The following AMMECR1 variants were observed in gnomAD, a reference collection of about 807,000 sequenced individuals.
AMMECR1 encodes the protein nuclear protein AMMECR1.
Under a neutral mutation model 22.5 loss-of-function variants are expected in AMMECR1, and 3 were observed. That is an observed-to-expected ratio of 0.13 (90% CI 0.06 to 0.35). The LOEUF is 0.35. Among genes scored for constraint, AMMECR1 ranks in the 10% least tolerant of loss-of-function variants. AMMECR1 has a pLI of 1.00. For synonymous variants in AMMECR1, 130 were observed against 116.7 expected, an observed-to-expected ratio of 1.11 and a Z score of -0.74; for missense variants, 235 against 278.7, an observed-to-expected ratio of 0.84 and a Z score of 1.12.
Position 110,222,665 on chromosome X carries a change from GAGAA to G in AMMECR1, c.585-6037_585-6034del, listed in dbSNP as rs1435809202. ...AAAAGGAAAAAGGAATATGTAAAAA[GAGAA>G]AGGAAGAGAAAAGCAAGAAGCTGAA... On this transcript the variant is annotated intron_variant, in intron 2 of 5. Transcript: ENST00000262844. 1.8e-3 allele frequency among the ~76,000 whole-genome samples: 188 copies of G among 105,607 alleles called. 2 individuals are homozygous for G. The highest frequency in any genetic ancestry group is 6.3e-3 in the African/African-American group (184 of 29,070). The allele number at this position is 105,607 out of a possible 115,157, so 91.7% of individuals were successfully genotyped here. A position where few individuals can be genotyped will look rare whatever the true frequency, so the allele number is the denominator to read the frequency against.
At chrX:110,407,094 T>C (rs781045536) in intron 2 of AMMECR1, among the ~76,000 whole-genome samples, 16 of 112,150 alleles carry the variant, frequency 1.4e-4, no homozygotes, top group Non-Finnish European at 2.6e-4. Flanking sequence ...TGCCGCCAAC[T>C]TCACCAGTCA....
intron 2 of AMMECR1, among the ~76,000 whole-genome samples, chrX:110,374,193 C>T (rs1226665063): frequency 9.0e-6 from 1 of 111,496 alleles, no homozygotes; most frequent in African/African-American, 3.3e-5. Flanking sequence ...AAATTGATAC[C>T]CTGTAGATGC....
chrX:110,318,053 C>G lies in AMMECR1; in HGVS notation c.19G>C (p.Gly7Arg), dbSNP rs2068061397. The change falls in exon 1 of 6, where the codon GGG becomes CGG. Residue 7 changes from glycine (G) to arginine (R), a missense_variant. Coordinates refer to ENST00000262844, the MANE Select transcript of AMMECR1 (RefSeq NM_015365.3). Reference sequence around the variant, plus strand: ...CTGGACAGTTTCTGCTTCTTCACCCCGCAGCAACCCGCCGCCATCTTGGAA... The same window carrying G: ...CTGGACAGTTTCTGCTTCTTCACCCGGCAGCAACCCGCCGCCATCTTGGAA... MAAGCC[G>R]VKKQKLSSSP... is the part of the protein sequence containing the mutation. 1.1e-5 allele frequency: 13 copies of G among 1,199,251 alleles called. No individual in the cohort carries two copies. The highest frequency in any genetic ancestry group is 1.5e-5 in the Non-Finnish European group (13 of 890,791).
intron 2 of AMMECR1, among the ~76,000 whole-genome samples, chrX:110,375,505 G>A (rs1042279523): frequency 9.0e-5 from 10 of 111,268 alleles, no homozygotes; most frequent in African/African-American, 3.3e-4. Flanking sequence ...GGCCTAGAAC[G>A]TAGTAGGGGC....
chrX:110,248,590 T>C (rs1352374622), intron 2 of AMMECR1, among the ~76,000 whole-genome samples: 1 of 112,135 alleles, frequency 8.9e-6, no homozygotes, highest in Non-Finnish European at 1.9e-5. Flanking sequence ...ATTTGTTCTA[T>C]CAAAAACTGC....
At chrX:110,336,388 T>A (rs1359701334) in intron 2 of AMMECR1, among the ~76,000 whole-genome samples, 2 of 110,583 alleles carry the variant, frequency 1.8e-5, no homozygotes, top group Non-Finnish European at 3.8e-5. Context: ...TGTATTTTTT[T>A]AAAAAAACAT....
At chrX:110,383,898 A>T (rs1299224905) in intron 2 of AMMECR1, among the ~76,000 whole-genome samples, 2 of 112,055 alleles carry the variant, frequency 1.8e-5, no homozygotes, top group African/African-American at 3.2e-5. Context: ...TTACTCTGCC[A>T]CTTATAAGCT....
chrX:110,331,797 T>C (rs1364706717), intron 2 of AMMECR1, among the ~76,000 whole-genome samples: 2 of 112,088 alleles, frequency 1.8e-5, no homozygotes, highest in Non-Finnish European at 3.8e-5. Context: ...AGCGTTGTCT[T>C]TCACCATTAT....
Position 110,370,236 on chromosome X carries a change from A to G in AMMECR1, c.-147-52387T>C, listed in dbSNP as rs6642764. On this transcript the variant is annotated intron_variant, in intron 2 of 7. Transcript: ENST00000372057. ...TATTATTATTTTTTAAAGACAGAGT[A>G]TCACTCTTGTCACCCAGGCTGGAGT... is the stretch of plus-strand genomic sequence containing the variant. Among the ~76,000 whole-genome samples, 50 of 111,780 alleles carry G rather than the reference A, an allele frequency of 4.5e-4. No homozygotes were observed. The East Asian group carries it at 8.1e-3, about 18-fold the overall frequency.
intron 2 of AMMECR1, among the ~76,000 whole-genome samples, chrX:110,375,408 C>T (rs928669565): frequency 1.8e-4 from 20 of 111,867 alleles, no homozygotes; most frequent in Non-Finnish European, 3.0e-4. Flanking sequence ...CTAGTTTCCT[C>T]CTCTGCAAAC....
chrX:110,201,085 G>T, intron 4 of AMMECR1, 35 bp from the exon 5 acceptor site: 1 of 963,539 alleles, frequency 1.0e-6, no homozygotes. Flanking sequence ...TATCAGTCAA[G>T]CACATGTAAC....
At chrX:110,382,262 G>T (rs1266360708) in intron 2 of AMMECR1, among the ~76,000 whole-genome samples, 1 of 110,267 alleles carries the variant, frequency 9.1e-6, no homozygotes, top group Non-Finnish European at 1.9e-5. Flanking sequence ...GGAAGAAAGA[G>T]CACAATGGGT....
At chrX:110,336,493 C>T (rs751791947) in intron 2 of AMMECR1, among the ~76,000 whole-genome samples, 3 of 110,114 alleles carry the variant, frequency 2.7e-5, no homozygotes, top group Non-Finnish European at 3.8e-5. Flanking sequence ...AGGCCAGCCT[C>T]GCCAACATGG....
intron 2 of AMMECR1, among the ~76,000 whole-genome samples, chrX:110,239,486 A>T (rs955554673): frequency 2.7e-5 from 3 of 111,473 alleles, no homozygotes; most frequent in African/African-American, 6.5e-5. Flanking sequence ...AAGCATGAAG[A>T]CAAGATTAGA....
intron 2 of AMMECR1, among the ~76,000 whole-genome samples, chrX:110,255,889 G>T (rs1274372830): frequency 8.9e-6 from 1 of 112,136 alleles, no homozygotes; most frequent in East Asian, 2.8e-4. Flanking sequence ...CACACCAAGT[G>T]TAAATCTGTA....
intron 2 of AMMECR1, among the ~76,000 whole-genome samples, chrX:110,402,798 T>C (rs1269215391): frequency 8.9e-6 from 1 of 111,763 alleles, no homozygotes; most frequent in Non-Finnish European, 1.9e-5. Context: ...TAGGTGATGG[T>C]TGGGGGTAAG....
At chrX:110,281,927 C>G (rs1411829152) in intron 1 of AMMECR1, among the ~76,000 whole-genome samples, 1 of 112,029 alleles carries the variant, frequency 8.9e-6, no homozygotes, top group Non-Finnish European at 1.9e-5. Flanking sequence ...ATTCCTATCC[C>G]CTGACACATA....
intron 1 of AMMECR1, among the ~76,000 whole-genome samples, chrX:110,302,933 T>G (rs1287934706): frequency 9.0e-6 from 1 of 110,676 alleles, no homozygotes; most frequent in Non-Finnish European, 1.9e-5. Context: ...GATTGACTGA[T>G]TTTCCTAAAT....
At chrX:110,265,879 A>G (rs1309382193) in intron 1 of AMMECR1, among the ~76,000 whole-genome samples, 1 of 111,708 alleles carries the variant, frequency 9.0e-6, no homozygotes, top group Non-Finnish European at 1.9e-5. Context: ...CTCCTTAAAC[A>G]TTTAAATTAT....
Sources: allele counts gnomAD v4.1 joint callset (sites outside exome capture counted in the v4.1 genomes callset), GRCh38; gene constraint gnomAD v4.1.1; transcripts MANE v1.5; gene names NCBI Gene and HGNC (gene_info 2026-07-23, HGNC 2026-07-21).